TMC7: variants seen among roughly 807,000 people sequenced by gnomAD.
TMC7 encodes the protein transmembrane channel-like protein 7.
Under a neutral mutation model 82.9 loss-of-function variants are expected in TMC7, and 54 were observed. The ratio of observed to expected loss-of-function variants is 0.65; its 90% confidence interval spans 0.52 to 0.82. TMC7 has a LOEUF of 0.82. Among genes scored for constraint, TMC7 ranks in the 40% least tolerant of loss-of-function variants. The pLI, the probability that TMC7 is intolerant of heterozygous loss-of-function variation, is 0.00. For missense variants in TMC7, 820 were observed against 901.2 expected, an observed-to-expected ratio of 0.91 and a Z score of 1.15; for synonymous variants, 350 against 337.9, an observed-to-expected ratio of 1.04 and a Z score of -0.39.
intron 12 of TMC7, 88 bp downstream of exon 12, chr16:19,047,337 C>A (rs1411334445): frequency 2.7e-6 from 3 of 1,091,844 alleles, no homozygotes; most frequent in African/African-American, 3.2e-5. Flanking sequence ...ACCTCACATC[C>A]CATGAGACGT....
intron 3 of TMC7, among the ~76,000 whole-genome samples, chr16:19,018,405 G>A (rs946760387): frequency 9.9e-5 from 15 of 152,066 alleles, no homozygotes; most frequent in African/African-American, 3.6e-4. Flanking sequence ...CTGTGTTCAC[G>A]TAACCTTTGC....
chr16:18,992,054 C>A (rs1480331807), intron 1 of TMC7, among the ~76,000 whole-genome samples: 2 of 152,148 alleles, frequency 1.3e-5, no homozygotes, highest in Admixed American at 1.3e-4. Context: ...CCACGATAAA[C>A]ATACGTGTGC....
intron 2 of TMC7, 23 bp downstream of exon 2, chr16:19,009,438 A>G: frequency 6.2e-7 from 1 of 1,603,040 alleles, no homozygotes; most frequent in Non-Finnish European, 8.5e-7. Flanking sequence ...GCCACCTGGA[A>G]CCTGCATTGT....
Position 18,983,998 on chromosome 16 carries a change from A to T in TMC7, c.-66A>T. On this transcript the variant is annotated 5_prime_UTR_variant, in exon 1 of 16. Transcript: ENST00000304381. ...CCGGCTCCGCGAGGGAAGGCCGGGG[A>T]GGCGGCGGCGGCGGCGGCGGCTGGA... 7.4e-7 allele frequency: 1 copy of T among 1,349,434 alleles called. No individual in the cohort carries two copies. The highest frequency in any genetic ancestry group is 9.5e-7 in the Non-Finnish European group (1 of 1,052,570). The allele number at this position is 1,349,434 out of a possible 1,614,324, so 83.6% of individuals were successfully genotyped here. A position where few individuals can be genotyped will look rare whatever the true frequency, so the allele number is the denominator to read the frequency against.
chr16:19,021,896 G>A (rs1959996642), intron 4 of TMC7, 100 bp downstream of exon 4: 1 of 1,393,106 alleles, frequency 7.2e-7, no homozygotes, highest in South Asian at 1.4e-5. Context: ...TAATTCTTGG[G>A]CGACTGTATT....
chr16:18,987,290 C>A lies in TMC7; in HGVS notation c.67+3160C>A, dbSNP rs568892591. Among the ~76,000 whole-genome samples, 8 of 152,106 alleles carry A rather than the reference C, an allele frequency of 5.3e-5. No homozygotes were observed. The East Asian group carries it at 5.8e-4, about 11-fold the overall frequency. On this transcript the variant is annotated intron_variant, in intron 1 of 15. Transcript: ENST00000304381. ...GTCATCTATCTGGTTTGGTTATTTT[C>A]TTGTTTAGTAGCAGTCTTTATTTTA...
intron 1 of TMC7, among the ~76,000 whole-genome samples, chr16:18,993,326 G>C (rs1466895117): frequency 3.3e-5 from 5 of 152,190 alleles, no homozygotes; most frequent in Non-Finnish European, 7.3e-5. Context: ...GAAATGAGAA[G>C]TTTTAAGAGG....
chr16:18,987,817 A>T (rs1172586740), intron 1 of TMC7, among the ~76,000 whole-genome samples: 2 of 152,156 alleles, frequency 1.3e-5, no homozygotes, highest in Non-Finnish European at 2.9e-5. Flanking sequence ...TGCAAATGTC[A>T]TTGGCCTCTC....
intron 5 of TMC7, among the ~76,000 whole-genome samples, chr16:19,028,382 A>T (rs112039631): frequency 1.4e-5 from 1 of 73,988 alleles, no homozygotes; most frequent in Non-Finnish European, 3.3e-5. Context: ...TTTTTTATTT[A>T]AAAAAAAAGA....
At chr16:19,054,541 C>G (rs1961680485) in intron 13 of TMC7, among the ~76,000 whole-genome samples, 1 of 151,938 alleles carries the variant, frequency 6.6e-6, no homozygotes, top group East Asian at 1.9e-4. Flanking sequence ...CATGGAGAAA[C>G]CCTGTCTCTA....
intron 1 of TMC7, among the ~76,000 whole-genome samples, chr16:18,994,328 C>T (rs1373821850): frequency 1.3e-5 from 2 of 151,850 alleles, no homozygotes; most frequent in African/African-American, 2.4e-5. Flanking sequence ...GAGGGCTATG[C>T]GAAAACAGTA....
Position 19,045,367 on chromosome 16 carries a change from A to C in TMC7, c.1482A>C (p.Glu494Asp). The change falls in exon 11 of 16, where the codon GAA becomes GAC. Residue 494 changes from glutamate to aspartate, a missense_variant. Around this residue, in one of 2 missense-constraint regions of TMC7, gnomAD observed 650 missense variants for 669.9 expected, o/e 0.97. Coordinates refer to ENST00000304381, the MANE Select transcript of TMC7 (RefSeq NM_024847.4). ...YPCWETQVGQ[E>D]MYKLMIFDFI... is the part of the protein sequence containing the mutation. ...GCTGGGAGACCCAAGTTGGGCAGGA[A>C]ATGTACAAGCTGATGATCTTCGACT... The C allele has an allele frequency of 1.9e-6, 3 of 1,613,918 alleles. No individual in the cohort carries two copies. The highest frequency in any genetic ancestry group is 2.5e-6 in the Non-Finnish European group (3 of 1,179,964).
chr16:18,992,100 G>T (rs112410446), intron 1 of TMC7, among the ~76,000 whole-genome samples: 4,853 of 152,166 alleles, frequency 0.032, 252 homozygotes, highest in African/African-American at 0.11. Context: ...ATAATCCTTT[G>T]GGTATATACC....
chr16:19,030,862 C>T (rs758185121), intron 6 of TMC7, among the ~76,000 whole-genome samples: 6 of 152,046 alleles, frequency 3.9e-5, no homozygotes, highest in South Asian at 2.1e-4. Flanking sequence ...TGTGAGCCAC[C>T]GCACCTAGCC....
chr16:19,051,404 C>A (rs1961534508), intron 12 of TMC7, among the ~76,000 whole-genome samples: 1 of 143,010 alleles, frequency 7.0e-6, no homozygotes, highest in Non-Finnish European at 1.5e-5. Context: ...CCTCCCCCCT[C>A]CCCCCACACC....
At chr16:19,061,548 G>T (rs1020243448) in intron 15 of TMC7, among the ~76,000 whole-genome samples, 3 of 152,188 alleles carry the variant, frequency 2.0e-5, no homozygotes, top group Non-Finnish European at 4.4e-5. Context: ...GCCTCCCAAA[G>T]TGCTGGGATT....
In TMC7 at chr16:18,983,976, G is replaced by C. The variant is rs1472205144; in HGVS notation, c.-88G>C. 24 of 1,298,820 alleles carry C rather than the reference G, an allele frequency of 1.8e-5. No individual in the cohort carries two copies. The highest frequency in any genetic ancestry group is 2.4e-5 in the Non-Finnish European group (24 of 1,016,066). 80.5% of individuals were successfully genotyped at this position (1,298,820 alleles called of 1,614,324 possible). A position where few individuals can be genotyped will look rare whatever the true frequency, so the allele number is the denominator to read the frequency against. On this transcript the variant is annotated 5_prime_UTR_variant, in exon 1 of 16. Coordinates refer to ENST00000304381, the MANE Select transcript of TMC7 (RefSeq NM_024847.4). ...GTCAGCGCCGGAACCTGGAATCCCGGCTCCGCGAGGGAAGGCCGGGGAGGC... is the reference window on the plus strand; with the variant it reads ...GTCAGCGCCGGAACCTGGAATCCCGCCTCCGCGAGGGAAGGCCGGGGAGGC...
chr16:18,991,490 C>G (rs1439509472), intron 1 of TMC7, among the ~76,000 whole-genome samples: 6 of 152,076 alleles, frequency 3.9e-5, no homozygotes, highest in Non-Finnish European at 4.4e-5. Context: ...ATACAGAGTC[C>G]TCCTTTTTCA....
chr16:19,040,209 T>C, intron 8 of TMC7, 80 bp from the exon 9 acceptor site: 1 of 1,300,986 alleles, frequency 7.7e-7, no homozygotes, highest in Non-Finnish European at 1.1e-6. Flanking sequence ...ACACACATAG[T>C]TGAGTTCTTT....
Sources: gnomAD v4.1 joint callset for allele counts (sites outside exome capture counted in the v4.1 genomes callset) on GRCh38, gnomAD v4.1.1 for gene constraint, gnomAD v4.1.1 regional missense constraint, MANE v1.5 for transcripts, NCBI Gene and HGNC (gene_info 2026-07-23, HGNC 2026-07-21) for gene names.